ZNF451: variants seen among roughly 807,000 people sequenced by gnomAD.
ZNF451 encodes the protein zinc finger protein 451.
ZNF451 carries 80 observed loss-of-function variants against 107.1 expected under a neutral mutation model. The observed-to-expected ratio is 0.75, with a 90% confidence interval of 0.62 to 0.90. The LOEUF is 0.90. Among genes scored for constraint, ZNF451 ranks in the 40% least tolerant of loss-of-function variants. The pLI, the probability that ZNF451 is intolerant of heterozygous loss-of-function variation, is 0.00. For synonymous variants in ZNF451, 362 were observed against 406.5 expected (o/e 0.89, Z 1.32); for missense variants, 1,107 against 1,236.2 (o/e 0.90, Z 1.57).
At chr6:57,138,808 T>TGA (rs1831602774) in intron 7 of ZNF451, among the ~76,000 whole-genome samples, 1 of 135,792 alleles carries the variant, frequency 7.4e-6, no homozygotes, top group South Asian at 2.3e-4. Flanking sequence ...TTTTTTTTTT[T>TGA]GAGAGAGAGG....
intron 6 of ZNF451, 81 bp from the exon 7 acceptor site, chr6:57,134,663 G>A: frequency 7.5e-7 from 1 of 1,327,314 alleles, no homozygotes; most frequent in Admixed American, 2.0e-5. Context: ...TATGTGTTTA[G>A]CTTCACAAAT....
chr6:57,137,855 C>G (rs1448103459), intron 7 of ZNF451, among the ~76,000 whole-genome samples: 1 of 152,186 alleles, frequency 6.6e-6, no homozygotes, highest in African/African-American at 2.4e-5. Context: ...ACACAATATA[C>G]AGCCTTTGTG....
At chr6:57,100,348 C>G (rs912892338) in intron 3 of ZNF451, among the ~76,000 whole-genome samples, 2 of 152,124 alleles carry the variant, frequency 1.3e-5, no homozygotes, top group African/African-American at 4.8e-5. Context: ...TGTTTTTACT[C>G]TCTCCTTTTT....
chr6:57,130,479 T>G (rs1225878528), intron 5 of ZNF451, among the ~76,000 whole-genome samples: 1 of 152,168 alleles, frequency 6.6e-6, no homozygotes, highest in Non-Finnish European at 1.5e-5. Context: ...TCTCCAGAGA[T>G]TCTTCTAGGG....
At chr6:57,105,828 C>A (rs1423276751) in intron 3 of ZNF451, 1 of 985,184 alleles carries the variant, frequency 1.0e-6, no homozygotes, top group East Asian at 1.1e-4. Context: ...AATTTGCTGA[C>A]ACTTTTATCT....
At chr6:57,128,040 T>C (rs1198565666) in intron 4 of ZNF451, among the ~76,000 whole-genome samples, 1 of 152,168 alleles carries the variant, frequency 6.6e-6, no homozygotes, top group African/African-American at 2.4e-5. Flanking sequence ...TGCAAAGCCA[T>C]AATGAAATAT....
rs1352018426 is a variant in ZNF451 at position 57,094,623 on chromosome 6, A to T, written c.105+3729A>T. On this transcript the variant is annotated intron_variant, in intron 2 of 14. Coordinates refer to ENST00000370706, the MANE Select transcript of ZNF451 (RefSeq NM_001031623.3). ...TTAAAGATATAAGTAGTAATTATAA[A>T]TATTATACCAAATTATTTTTTCTTG... 2.0e-5 allele frequency among the ~76,000 whole-genome samples: 3 copies of T among 152,306 alleles called. No homozygotes were observed. In the East Asian group the frequency reaches 5.8e-4, roughly 29 times the overall value.
chr6:57,124,963 A>T (rs1204630026), intron 4 of ZNF451, 104 bp downstream of exon 4: 2 of 697,024 alleles, frequency 2.9e-6, no homozygotes, highest in Non-Finnish European at 4.1e-6. Context: ...ATCAAAGCTC[A>T]GTATGTACCC....
rs548560495 is a variant in ZNF451, at chr6:57,120,630, T to A, written c.187-4104T>A. Among the ~76,000 whole-genome samples the A allele has an allele frequency of 2.2e-4, 34 of 152,336 alleles. No homozygotes were observed. The South Asian group carries it at 3.1e-3, about 14-fold the overall frequency. ...ATTGGTATCTCGTTGTTTTAACATA[T>A]ACTTCCCTAATGGCATATGCTGATC... On this transcript the variant is annotated intron_variant, in intron 3 of 14. Transcript: ENST00000370706.
rs1831788307 is a variant in ZNF451 at position 57,141,994 on chromosome 6, G to T, written c.903G>T (p.Lys301Asn). Residue 301 changes from lysine (K) to asparagine (N), a missense_variant, in exon 9 of 15, where the codon AAG (lysine) becomes AAT (asparagine). Physicochemically the swap from Lys to Asn is moderately conservative, Grantham distance 94. Around this residue, in one of 5 missense-constraint regions of ZNF451, gnomAD observed 339 missense variants for 372.8 expected, o/e 0.91. Transcript: ENST00000370706. ...CAATATCTTTCCCATCTTTTGCAAA[G>T]AAACTTTTGATCTCTCTGTGCAAAG... ...AHPISFPSFA[K>N]KLLISLCKDV... is the part of the protein sequence containing the mutation. The T allele has an allele frequency of 1.2e-6, 2 of 1,613,990 alleles. No individual in the cohort carries two copies. The highest frequency in any genetic ancestry group is 3.3e-5 in the Admixed American group (2 of 59,994).
At chr6:57,142,338 G>C (rs534540158) in intron 9 of ZNF451, among the ~76,000 whole-genome samples, 24 of 152,306 alleles carry the variant, frequency 1.6e-4, no homozygotes, top group African/African-American at 5.5e-4. Flanking sequence ...TTCTGTGTGT[G>C]TTCTGTAAGT....
At chr6:57,126,626 A>C (rs1329865423) in intron 4 of ZNF451, 6 of 152,152 alleles carry the variant, frequency 3.9e-5, no homozygotes, top group Non-Finnish European at 8.8e-5. Context: ...ATATTCATTA[A>C]AATCTTCACT....
chr6:57,092,636 A>G (rs1370900397), intron 2 of ZNF451: 1 of 152,224 alleles, frequency 6.6e-6, no homozygotes, highest in South Asian at 2.1e-4. Flanking sequence ...ATCCAATCCT[A>G]TATGTGGCTC....
chr6:57,168,664 A>G lies in ZNF451; in HGVS notation c.*195A>G. 2 of 543,094 alleles carry G rather than the reference A, an allele frequency of 3.7e-6. No individual in the cohort carries two copies. The highest frequency in any genetic ancestry group is 4.9e-5 in the South Asian group (2 of 40,504). The allele number at this position is 543,094 out of a possible 1,614,324, so 33.6% of individuals were successfully genotyped here. ...ATGTGCAAACATGTACAGAAGAAAT[A>G]GAATACATGTTCATGCAAATATAAA... On this transcript the variant is annotated 3_prime_UTR_variant, in exon 15 of 15. Transcript: ENST00000370706.
At position 57,148,143 on chromosome 6, in the gene ZNF451, T is replaced by C; in HGVS notation, c.2058T>C (p.Tyr686=). The change falls in exon 10 of 15, where the codon TAT becomes TAC. Residue 686 remains tyrosine (Y), a synonymous_variant. Transcript: ENST00000370706. The part of the protein sequence containing the change: ...FNVEEAFLSH[Y]EEHHSIDYVF... ...TGGAAGAAGCATTTCTGAGTCATTA[T>C]GAGGAGCACCACAGCATAGATTATG... is the stretch of plus-strand genomic sequence containing the variant. 1 of 1,614,098 alleles carries C rather than the reference T, an allele frequency of 6.2e-7. No individual in the cohort carries two copies. Among genetic ancestry groups the C allele is most frequent in the South Asian group, 1.1e-5 (1 of 91,074 alleles).
intron 3 of ZNF451, chr6:57,100,905 C>T: frequency 1.3e-6 from 2 of 1,550,684 alleles, no homozygotes; most frequent in Non-Finnish European, 1.7e-6. Flanking sequence ...CTTCTGAGGT[C>T]AAAGAGAATT....
intron 14 of ZNF451, among the ~76,000 whole-genome samples, chr6:57,162,294 T>C (rs1763704074): frequency 6.6e-6 from 1 of 152,200 alleles, no homozygotes; most frequent in Non-Finnish European, 1.5e-5. Context: ...TGATCTCAGA[T>C]AATACAACTA....
chr6:57,147,839 A>G lies in ZNF451; in HGVS notation c.1754A>G (p.Lys585Arg), dbSNP rs1832147992. Residue 585 changes from lysine to arginine, a missense_variant, in exon 10 of 15, where the codon AAG (lysine) becomes AGG (arginine). By Grantham distance (26) the Lys-to-Arg change is conservative. Transcript: ENST00000370706. ...ACATTGGATAATTTGACTGCTAACA[A>G]GCCTTCATCAGCTATTACTGTTATT... ...STTLDNLTANKPSSAITVIDH... is the reference protein window; with the variant it reads ...STTLDNLTANRPSSAITVIDH... 3 of 1,614,128 alleles carry G rather than the reference A, an allele frequency of 1.9e-6. No individual in the cohort carries two copies. Among genetic ancestry groups the G allele is most frequent in the East Asian group, 2.2e-5 (1 of 44,882 alleles).
At chr6:57,140,864 T>C (rs1831721317) in intron 7 of ZNF451, among the ~76,000 whole-genome samples, 1 of 152,076 alleles carries the variant, frequency 6.6e-6, no homozygotes, top group Non-Finnish European at 1.5e-5. Context: ...ACAATGACAT[T>C]CCCCCTTATT....
Sources: gnomAD v4.1 joint callset for allele counts (sites outside exome capture counted in the v4.1 genomes callset) on GRCh38, gnomAD v4.1.1 for gene constraint, gnomAD v4.1.1 regional missense constraint, MANE v1.5 for transcripts, NCBI Gene and HGNC (gene_info 2026-07-23, HGNC 2026-07-21) for gene names.